Variants in ZNF540 observed in about 807,000 individuals in gnomAD.
The protein encoded by ZNF540 is CTD-3064H18.6.
Under a neutral mutation model 11.8 loss-of-function variants are expected in ZNF540, and 3 were observed. That is an observed-to-expected ratio of 0.25 (90% confidence interval 0.12 to 0.65). The LOEUF (loss-of-function observed/expected upper bound fraction) is 0.65. ZNF540 is among the 30% of genes least tolerant of loss of function. The probability of loss-of-function intolerance (pLI) is 0.83; values close to 1 mark genes in which losing one functional copy is unlikely to be tolerated. For missense variants in ZNF540, 709 were observed against 793.1 expected, an observed-to-expected ratio of 0.89 and a Z score of 1.27; for synonymous variants, 247 against 259.0, an observed-to-expected ratio of 0.95 and a Z score of 0.45.
intron 1 of ZNF540, among the ~76,000 whole-genome samples, chr19:37,584,370 G>A (rs914316074): frequency 6.6e-6 from 1 of 152,134 alleles, no homozygotes; most frequent in Non-Finnish European, 1.5e-5. Flanking sequence ...TACTGCAAGC[G>A]TTTTCTTCAC....
chr19:37,611,771 T>A lies in ZNF540; in HGVS notation c.491T>A (p.Ile164Asn). The change falls in exon 5 of 5, where the codon ATT (isoleucine) becomes AAT (asparagine). Residue 164 changes from isoleucine to asparagine, a missense_variant. Transcript: ENST00000316433. Reference protein sequence around the residue: ...KRPSFTLNQRIHNSEKSCDSH... With the variant: ...KRPSFTLNQRNHNSEKSCDSH... ...CCCTCTTTTACTCTGAATCAGAGAA[T>A]TCACAATAGTGAGAAAAGCTGTGAC... 1.2e-6 allele frequency: 2 copies of A among 1,614,034 alleles called. No individual in the cohort carries two copies. Among genetic ancestry groups the A allele is most frequent in the Non-Finnish European group, 1.7e-6 (2 of 1,179,960 alleles).
intron 4 of ZNF540, among the ~76,000 whole-genome samples, chr19:37,602,378 A>G (rs961281224): frequency 2.0e-5 from 3 of 152,230 alleles, no homozygotes; most frequent in Non-Finnish European, 2.9e-5. Flanking sequence ...CAGCCAATCA[A>G]CTGACTGGAT....
rs375850217 is a variant in ZNF540, at chr19:37,611,814, T to C, written c.534T>C (p.His178=). ...EKSCDSHLVQ[H]GKIDSDVKHD... The stretch of plus-strand genomic sequence containing the variant: ...GCTGTGACTCACACTTGGTTCAACA[T>C]GGGAAAATAGATTCTGATGTGAAAC... Residue 178 remains histidine (H), a synonymous_variant, in exon 5 of 5, where the codon CAT becomes CAC. Coordinates refer to ENST00000316433, the MANE Select transcript of ZNF540 (RefSeq NM_001172225.3). The C allele has an allele frequency of 6.2e-7, 1 of 1,613,904 alleles. No homozygotes were observed. The highest frequency in any genetic ancestry group is 1.7e-5 in the Admixed American group (1 of 60,006).
intron 1 of ZNF540, among the ~76,000 whole-genome samples, chr19:37,577,328 A>G (rs1476550454): frequency 6.6e-6 from 1 of 152,196 alleles, no homozygotes; most frequent in African/African-American, 2.4e-5. Flanking sequence ...AAACCAGCCT[A>G]CATCTGGAAG....
chr19:37,553,344 G>T (rs984170314), intron 1 of ZNF540, among the ~76,000 whole-genome samples: 2 of 151,306 alleles, frequency 1.3e-5, no homozygotes, highest in African/African-American at 4.9e-5. Flanking sequence ...TGTTGGCCAG[G>T]CTGGTCTCAA....
chr19:37,563,220 A>G (rs1055211873), intron 1 of ZNF540: 1 of 152,106 alleles, frequency 6.6e-6, no homozygotes, highest in African/African-American at 2.4e-5. Context: ...GGTGACAGCT[A>G]CTTGGCAGGC....
chr19:37,567,181 A>C (rs556259203), intron 1 of ZNF540, among the ~76,000 whole-genome samples: 1 of 152,372 alleles, frequency 6.6e-6, no homozygotes, highest in East Asian at 1.9e-4. Flanking sequence ...ACTAATGGAT[A>C]TACCATTTCT....
chr19:37,594,233 T>G (rs1004004202), upstream of ZNF540: 1 of 152,294 alleles, frequency 6.6e-6, no homozygotes, highest in African/African-American at 2.4e-5. Flanking sequence ...GCAAAGAAAC[T>G]GCAGCAGCTG....
At chr19:37,557,608 G>A (rs1001686444) in intron 1 of ZNF540, among the ~76,000 whole-genome samples, 2 of 152,134 alleles carry the variant, frequency 1.3e-5, no homozygotes, top group Admixed American at 6.5e-5. Flanking sequence ...GGTGGCGTCC[G>A]CCTTCTCTAG....
At position 37,598,583 on chromosome 19, in the gene ZNF540, A is replaced by C. The variant is rs1043310062; in HGVS notation, c.9+127A>C. The stretch of plus-strand genomic sequence containing the variant: ...ATCCCCACATTTCCAAGCTCCTCCC[A>C]TGGGCCCCCTCTCTTTTCTAACCAG... On this transcript the variant is annotated intron_variant, in intron 2 of 4. Transcript: ENST00000316433. 3 of 948,984 alleles carry C rather than the reference A, an allele frequency of 3.2e-6. No homozygotes were observed. In the South Asian group the frequency reaches 4.4e-5, roughly 14 times the overall value. 58.8% of individuals were successfully genotyped at this position (948,984 alleles called of 1,614,324 possible). A position where few individuals can be genotyped will look rare whatever the true frequency, so the allele number is the denominator to read the frequency against.
chr19:37,591,784 T>C (rs2043875532), upstream of ZNF540, among the ~76,000 whole-genome samples: 1 of 152,052 alleles, frequency 6.6e-6, no homozygotes, highest in African/African-American at 2.4e-5. Context: ...CCTCAGGTGA[T>C]TCGCCTGCCT....
intron 4 of ZNF540, among the ~76,000 whole-genome samples, chr19:37,602,215 T>C (rs2044044709): frequency 6.6e-6 from 1 of 152,156 alleles, no homozygotes; most frequent in Non-Finnish European, 1.5e-5. Context: ...CAGCTAAGTG[T>C]ATATAATTTG....
upstream of ZNF540, among the ~76,000 whole-genome samples, chr19:37,590,443 T>C (rs1034538146): frequency 6.6e-6 from 1 of 151,726 alleles, no homozygotes; most frequent in Non-Finnish European, 1.5e-5. Context: ...AAAAAAAAGC[T>C]ATAAGGACAA....
chr19:37,583,861 C>T (rs1249059690), intron 1 of ZNF540: 1 of 1,144,368 alleles, frequency 8.7e-7, no homozygotes, highest in African/African-American at 1.6e-5. Context: ...TCCATTTCTA[C>T]TTCTACTCAA....
chr19:37,575,135 T>C (rs2043199781), intron 1 of ZNF540, among the ~76,000 whole-genome samples: 1 of 152,222 alleles, frequency 6.6e-6, no homozygotes, highest in South Asian at 2.1e-4. Context: ...ACTTAAACTA[T>C]AACCTGACTC....
intron 1 of ZNF540, 32 bp from the exon 2 acceptor site, chr19:37,598,344 T>G (rs2044012083): frequency 8.8e-7 from 1 of 1,132,054 alleles, no homozygotes; most frequent in African/African-American, 1.6e-5. Context: ...AGACCTAGTC[T>G]CACTGTCTCA....
chr19:37,578,286 GAGAC>G (rs1157622758), intron 1 of ZNF540, among the ~76,000 whole-genome samples: 1 of 152,126 alleles, frequency 6.6e-6, no homozygotes, highest in Non-Finnish European at 1.5e-5. Flanking sequence ...AGAGAACAGA[GAGAC>G]AAGCCAGGCA....
At chr19:37,600,735 C>T (rs956761777) in intron 3 of ZNF540, among the ~76,000 whole-genome samples, 1 of 152,158 alleles carries the variant, frequency 6.6e-6, no homozygotes, top group Admixed American at 6.5e-5. Flanking sequence ...CCCTCAATAA[C>T]TACTGCCTCT....
At chr19:37,565,847 G>T (rs770536233) in intron 1 of ZNF540, 5 of 1,613,808 alleles carry the variant, frequency 3.1e-6, no homozygotes, top group Non-Finnish European at 4.2e-6. Flanking sequence ...ACACTCATAA[G>T]GTTTCTCACC....
Sources: gnomAD v4.1 joint callset for allele counts (sites outside exome capture counted in the v4.1 genomes callset) on GRCh38, gnomAD v4.1.1 for gene constraint, MANE v1.5 for transcripts, NCBI Gene and HGNC (gene_info 2026-07-23, HGNC 2026-07-21) for gene names.